RBFOX3: variants seen among roughly 807,000 people sequenced by gnomAD.
RBFOX3 encodes the protein RNA binding fox-1 homolog 3, also known as RNA binding protein fox-1 homolog 3.
A neutral mutation model predicts 48.7 loss-of-function variants in RBFOX3; 17 were observed. That is an observed-to-expected ratio of 0.35 (90% CI 0.24 to 0.52). RBFOX3 has a LOEUF of 0.52. Among genes scored for constraint, RBFOX3 ranks in the 20% least tolerant of loss-of-function variants. The probability of loss-of-function intolerance (pLI) is 0.94; values close to 1 mark genes in which losing one functional copy is unlikely to be tolerated. For missense variants in RBFOX3, 382 were observed against 497.5 expected, an observed-to-expected ratio of 0.77 and a Z score of 2.21; for synonymous variants, 212 against 209.5, an observed-to-expected ratio of 1.01 and a Z score of -0.10.
chr17:79,637,027 G>A, the RBFOX3 span, among the ~76,000 whole-genome samples: 1 of 152,128 alleles, frequency 6.6e-6, no homozygotes, highest in East Asian at 1.9e-4. Context: ...AGATAAAATA[G>A]ACTTTAAGTC....
At chr17:79,099,622 TG>T (rs1485974330) in intron 9 of RBFOX3, 1 of 152,256 alleles carries the variant, frequency 6.6e-6, no homozygotes, top group African/African-American at 2.4e-5. Context: ...CAGATGGCCC[TG>T]GGCACCTTCA....
At chr17:79,470,168 G>T (rs1423550758) in intron 2 of RBFOX3, among the ~76,000 whole-genome samples, 3 of 152,178 alleles carry the variant, frequency 2.0e-5, no homozygotes, top group Non-Finnish European at 2.9e-5. Flanking sequence ...CCCTGCGAAT[G>T]TTGGAGAATG....
At chr17:79,538,696 G>T (rs782450021) in intron 1 of RBFOX3, among the ~76,000 whole-genome samples, 19 of 152,206 alleles carry the variant, frequency 1.2e-4, no homozygotes, top group Non-Finnish European at 1.3e-4. Flanking sequence ...GATGAGATCG[G>T]CAGGAAACAG....
intron 3 of RBFOX3, among the ~76,000 whole-genome samples, chr17:79,290,528 T>C (rs1567985149): frequency 6.6e-6 from 1 of 151,918 alleles, no homozygotes; most frequent in Non-Finnish European, 1.5e-5. Flanking sequence ...GTTCAACACA[T>C]GCCTGCCGTT....
chr17:79,348,649 C>T (rs11077429), intron 2 of RBFOX3, among the ~76,000 whole-genome samples: 1 of 145,518 alleles, frequency 6.9e-6, no homozygotes, highest in South Asian at 2.2e-4. Flanking sequence ...AGTGCCATCT[C>T]GGCTCACTGC....
At chr17:79,463,889 T>C (rs1222742863) in intron 2 of RBFOX3, among the ~76,000 whole-genome samples, 7 of 98,424 alleles carry the variant, frequency 7.1e-5, no homozygotes, top group Admixed American at 1.1e-4. Context: ...GCCACCACCA[T>C]CGCCATCACC....
intron 4 of RBFOX3, among the ~76,000 whole-genome samples, chr17:79,188,876 C>T (rs1279257457): frequency 6.6e-6 from 1 of 152,242 alleles, no homozygotes; most frequent in Non-Finnish European, 1.5e-5. Context: ...TTGCAAGCTC[C>T]TGCTGCATCT....
the RBFOX3 span, among the ~76,000 whole-genome samples, chr17:79,621,978 C>A: frequency 6.6e-6 from 1 of 152,196 alleles, no homozygotes; most frequent in Non-Finnish European, 1.5e-5. Flanking sequence ...AATCTCAGAC[C>A]TCTCAGACCC....
chr17:79,332,949 C>A (rs1376635843), intron 2 of RBFOX3, among the ~76,000 whole-genome samples: 2 of 129,146 alleles, frequency 1.5e-5, no homozygotes, highest in Admixed American at 8.6e-5. Context: ...CACAGAGAAA[C>A]GGGAGGGAAA....
At chr17:79,508,234 G>A (rs1052215226) in intron 1 of RBFOX3, among the ~76,000 whole-genome samples, 4 of 152,138 alleles carry the variant, frequency 2.6e-5, no homozygotes, top group Non-Finnish European at 5.9e-5. Context: ...CAGGTGCCAT[G>A]GAGGCCAGCG....
chr17:79,559,361 G>A (rs987065476), intron 1 of RBFOX3, among the ~76,000 whole-genome samples: 4 of 151,844 alleles, frequency 2.6e-5, no homozygotes, highest in Non-Finnish European at 5.9e-5. Context: ...GTGAATGGGT[G>A]GATGGGATGG....
At chr17:79,129,849 C>T (rs763209077) in intron 4 of RBFOX3, among the ~76,000 whole-genome samples, 6 of 152,220 alleles carry the variant, frequency 3.9e-5, no homozygotes, top group Admixed American at 2.6e-4. Flanking sequence ...TATATGACAC[C>T]CCAGCCCATG....
chr17:79,187,111 G>A (rs1266641594), intron 4 of RBFOX3, among the ~76,000 whole-genome samples: 1 of 152,256 alleles, frequency 6.6e-6, no homozygotes, highest in Non-Finnish European at 1.5e-5. Context: ...CTCCAAGGTG[G>A]CCTGTGTTTT....
intron 2 of RBFOX3, among the ~76,000 whole-genome samples, chr17:79,353,692 G>C (rs1191529963): frequency 6.6e-6 from 1 of 152,162 alleles, no homozygotes; most frequent in Non-Finnish European, 1.5e-5. Flanking sequence ...CTGGGGCCTG[G>C]AGCTCACATG....
chr17:79,180,235 T>TA (rs1439929979), intron 4 of RBFOX3, among the ~76,000 whole-genome samples: 26 of 152,310 alleles, frequency 1.7e-4, no homozygotes, highest in African/African-American at 6.3e-4. Flanking sequence ...CCAGCCTACC[T>TA]AGGGTCCAAC....
rs537572224 is a variant in RBFOX3 at position 79,418,764 on chromosome 17, A to G, written c.-175+63690T>C. Among the ~76,000 whole-genome samples the G allele has an allele frequency of 1.6e-4, 24 of 152,108 alleles. No homozygotes were observed. In the East Asian group the frequency reaches 3.5e-3, roughly 22 times the overall value. On this transcript the variant is annotated intron_variant, in intron 2 of 14. Coordinates refer to ENST00000693108, the MANE Select transcript of RBFOX3 (RefSeq NM_001350451.2). This position sits in a 1 kb window ranked among gnomAD's most constrained non-coding sequence, Gnocchi z 5.0. ...CTTGAGAAGGAGGTTTGGGAGAGGA[A>G]TTCCTTCCCAAAAAGTGAGGGAGGA...
the RBFOX3 span, among the ~76,000 whole-genome samples, chr17:79,651,239 A>G: frequency 6.6e-6 from 1 of 152,172 alleles, no homozygotes; most frequent in Non-Finnish European, 1.5e-5. Context: ...GCCTTGGCTC[A>G]GGGTTGGCTT....
intron 4 of RBFOX3, among the ~76,000 whole-genome samples, chr17:79,213,926 T>C (rs2058688585): frequency 6.6e-6 from 1 of 152,192 alleles, no homozygotes; most frequent in Non-Finnish European, 1.5e-5. Flanking sequence ...GAATTGAGGA[T>C]GTGAAGGAAG....
chr17:79,383,525 C>T (rs1180149091), intron 2 of RBFOX3, among the ~76,000 whole-genome samples: 1 of 152,238 alleles, frequency 6.6e-6, no homozygotes, highest in East Asian at 1.9e-4. Flanking sequence ...GATTAAATTT[C>T]ATTGCTGAAG....
Sources: gnomAD v4.1 joint callset for allele counts (sites outside exome capture counted in the v4.1 genomes callset) on GRCh38, gnomAD v4.1.1 for gene constraint, Gnocchi (gnomAD v3.1) non-coding constraint, MANE v1.5 for transcripts, NCBI Gene and HGNC (gene_info 2026-07-23, HGNC 2026-07-21) for gene names.